The following CHRM3 variants were observed in gnomAD, a reference collection of about 807,000 sequenced individuals.
CHRM3 encodes muscarinic acetylcholine receptor M3.
In CHRM3, 11 loss-of-function variants were observed where a neutral mutation model predicts 41.8. The ratio of observed to expected loss-of-function variants is 0.26; its 90% CI spans 0.17 to 0.44. The LOEUF is 0.44. Among genes scored for constraint, CHRM3 ranks in the 20% least tolerant of loss-of-function variants. The pLI, the probability that CHRM3 is intolerant of heterozygous loss-of-function variation, is 1.00. For synonymous variants in CHRM3, 297 were observed against 301.4 expected, an observed-to-expected ratio of 0.99 and a Z score of 0.15; for missense variants, 571 against 745.4, an observed-to-expected ratio of 0.77 and a Z score of 2.72.
At chr1:239,633,447 G>C (rs781091808) in intron 4 of CHRM3, among the ~76,000 whole-genome samples, 4 of 152,078 alleles carry the variant, frequency 2.6e-5, no homozygotes, top group Non-Finnish European at 4.4e-5. Context: ...TAGAGATTAC[G>C]GTTCGAGATG....
At chr1:239,419,754 T>A (rs1261758952) in intron 1 of CHRM3, among the ~76,000 whole-genome samples, 1 of 152,208 alleles carries the variant, frequency 6.6e-6, no homozygotes, top group Non-Finnish European at 1.5e-5. Flanking sequence ...TACATAAAGA[T>A]CAAAATGAAA....
intron 1 of CHRM3, among the ~76,000 whole-genome samples, chr1:239,401,830 C>G (rs1413098626): frequency 2.0e-5 from 3 of 151,948 alleles, no homozygotes; most frequent in Admixed American, 1.3e-4. Context: ...TAATGGAGGC[C>G]TCTTATTTTA....
intron 5 of CHRM3, among the ~76,000 whole-genome samples, chr1:239,757,380 G>T: frequency 6.6e-6 from 1 of 152,050 alleles, no homozygotes; most frequent in East Asian, 1.9e-4. Flanking sequence ...TGTAATCCCA[G>T]CACTTTAGGA....
chr1:239,846,064 A>G (rs1027053199), intron 6 of CHRM3, among the ~76,000 whole-genome samples: 11 of 152,224 alleles, frequency 7.2e-5, no homozygotes, highest in African/African-American at 2.7e-4. Flanking sequence ...ATCTCAGGTC[A>G]GTGATTTTTA....
chr1:239,908,601 C>T lies in CHRM3; in HGVS notation c.1150C>T (p.Pro384Ser), dbSNP rs1313207797. ...HSTILNSTKLPSSDNLQVPEE... is the reference protein window; with the variant it reads ...HSTILNSTKLSSSDNLQVPEE... ...CACCATCCTCAACTCCACCAAGTTACCCTCATCGGACAACCTGCAGGTGCC... is the reference window on the plus strand; with the variant it reads ...CACCATCCTCAACTCCACCAAGTTATCCTCATCGGACAACCTGCAGGTGCC... The change falls in exon 7 of 7, where the codon CCC becomes TCC. Residue 384 changes from proline to serine, a missense_variant. Around this residue, in one of 5 missense-constraint regions of CHRM3, gnomAD observed 239 missense variants for 239.6 expected, o/e 1.00. Transcript: ENST00000676153. This position sits in a 1 kb window ranked among gnomAD's most constrained non-coding sequence, Gnocchi z 7.2. 5 of 1,603,536 alleles carry T rather than the reference C, an allele frequency of 3.1e-6. No individual in the cohort carries two copies. The highest frequency in any genetic ancestry group is 1.7e-4 in the Middle Eastern group (1 of 6,046).
At chr1:239,809,019 A>ATTT (rs34075379) in intron 5 of CHRM3, among the ~76,000 whole-genome samples, 5,432 of 125,158 alleles carry the variant, frequency 0.043, 214 homozygotes, top group Non-Finnish European at 0.049. Flanking sequence ...TCTGAAGTCC[A>ATTT]TTTTTTTTTT....
At chr1:239,644,970 C>G (rs1433921802) in intron 4 of CHRM3, among the ~76,000 whole-genome samples, 16 of 152,172 alleles carry the variant, frequency 1.1e-4, no homozygotes, top group Admixed American at 1.0e-3. Context: ...CCTCTCACTC[C>G]TCTCTATTGA....
intron 3 of CHRM3, among the ~76,000 whole-genome samples, chr1:239,553,547 C>G (rs1660067208): frequency 6.6e-6 from 1 of 152,056 alleles, no homozygotes; most frequent in South Asian, 2.1e-4. Flanking sequence ...TTGTTTCTTT[C>G]ACTTGAATGA....
At chr1:239,713,366 T>C (rs1662006528) in intron 5 of CHRM3, among the ~76,000 whole-genome samples, 1 of 152,188 alleles carries the variant, frequency 6.6e-6, no homozygotes, top group South Asian at 2.1e-4. Context: ...ATGGTTGATA[T>C]CTTGTTCTTC....
At chr1:239,645,576 G>T (rs906199682) in intron 4 of CHRM3, among the ~76,000 whole-genome samples, 2 of 152,048 alleles carry the variant, frequency 1.3e-5, no homozygotes, top group African/African-American at 4.8e-5. Context: ...TTAAATAAAA[G>T]AAACATTTGA....
chr1:239,467,751 A>G (rs767173037), intron 1 of CHRM3, among the ~76,000 whole-genome samples: 2 of 152,172 alleles, frequency 1.3e-5, no homozygotes, highest in Non-Finnish European at 2.9e-5. Flanking sequence ...TACATTTTTG[A>G]TGGGATAATT....
At chr1:239,577,693 C>A (rs1001966266) in intron 3 of CHRM3, among the ~76,000 whole-genome samples, 4 of 152,176 alleles carry the variant, frequency 2.6e-5, no homozygotes, top group African/African-American at 9.6e-5. Context: ...TAGAATCCTG[C>A]ATAAAATTAG....
chr1:239,854,059 T>C (rs1674910438), intron 6 of CHRM3, among the ~76,000 whole-genome samples: 1 of 152,070 alleles, frequency 6.6e-6, no homozygotes, highest in African/African-American at 2.4e-5. Flanking sequence ...AGGATACATG[T>C]GATATTCTAT....
At chr1:239,540,774 T>A (rs183583784) in intron 2 of CHRM3, among the ~76,000 whole-genome samples, 302 of 152,296 alleles carry the variant, frequency 2.0e-3, no homozygotes, top group African/African-American at 7.0e-3. Context: ...CATTTCCTTA[T>A]ATCAGTATAA....
At chr1:239,766,373 A>G (rs1273399589) in intron 5 of CHRM3, among the ~76,000 whole-genome samples, 6 of 152,170 alleles carry the variant, frequency 3.9e-5, no homozygotes, top group Admixed American at 3.9e-4. Context: ...GAATAAATAT[A>G]TTTATAGTAA....
chr1:239,587,158 C>G (rs1273087594), intron 3 of CHRM3, among the ~76,000 whole-genome samples: 1 of 152,200 alleles, frequency 6.6e-6, no homozygotes, highest in African/African-American at 2.4e-5. Flanking sequence ...TGACCACCCT[C>G]TGGCAAGCAG....
At chr1:239,563,745 A>T (rs1026862419) in intron 3 of CHRM3, among the ~76,000 whole-genome samples, 3 of 152,198 alleles carry the variant, frequency 2.0e-5, no homozygotes, top group Non-Finnish European at 4.4e-5. Context: ...TCATCTGACG[A>T]GAGGCTATTT....
At chr1:239,556,191 G>A (rs913829761) in intron 3 of CHRM3, among the ~76,000 whole-genome samples, 3 of 151,956 alleles carry the variant, frequency 2.0e-5, no homozygotes, top group Admixed American at 6.6e-5. Flanking sequence ...TTACTGTTAG[G>A]TTCTCTGAAT....
chr1:239,414,045 C>T (rs111631787), intron 1 of CHRM3, among the ~76,000 whole-genome samples: 1 of 152,260 alleles, frequency 6.6e-6, no homozygotes, highest in East Asian at 1.9e-4. Context: ...TCGCTAGGCC[C>T]TTGTCGTTTG....
Sources: gnomAD v4.1 joint callset for allele counts (sites outside exome capture counted in the v4.1 genomes callset) on GRCh38, gnomAD v4.1.1 for gene constraint, gnomAD v4.1.1 regional missense constraint, Gnocchi (gnomAD v3.1) non-coding constraint, MANE v1.5 for transcripts, NCBI Gene and HGNC (gene_info 2026-07-23, HGNC 2026-07-21) for gene names.